The following TDRD15 variants were observed in gnomAD, a reference collection of about 807,000 sequenced individuals.
TDRD15 encodes the protein tudor domain containing 15.
For missense variants in TDRD15, 1,416 were observed against 904.7 expected (o/e 1.57, Z -7.25); for synonymous variants, 503 against 314.5 (o/e 1.60, Z -6.34).
In TDRD15 at chr2:21,140,848, A is replaced by T. The variant is rs764609181; in HGVS notation, c.3381A>T (p.Gly1127=). ...DGQLGIELYD[G]SQYINEKIKV... is the part of the protein sequence containing the mutation. ...AGCTTGGTATAGAATTGTATGATGG[A>T]TCTCAATATATAAATGAGAAAATTA... is the stretch of plus-strand genomic sequence containing the variant. The change falls in exon 4 of 4, where the codon GGA becomes GGT. Residue 1127 remains glycine, a synonymous_variant. Coordinates refer to ENST00000405799, the MANE Select transcript of TDRD15 (RefSeq NM_001306137.2). 2.2e-5 allele frequency: 16 copies of T among 712,964 alleles called. No individual in the cohort carries two copies. Among genetic ancestry groups the T allele is most frequent in the Non-Finnish European group, 3.7e-5 (14 of 383,076 alleles). The allele number at this position is 712,964 out of a possible 1,614,324, so 44.2% of individuals were successfully genotyped here.
rs1394184422 is a variant in TDRD15, at chr2:21,139,225, T to C, written c.1758T>C (p.Phe586=). 3 of 715,712 alleles carry C rather than the reference T, an allele frequency of 4.2e-6. No homozygotes were observed. The South Asian group carries it at 4.5e-5, about 11-fold the overall frequency. 44.3% of individuals were successfully genotyped at this position (715,712 alleles called of 1,614,324 possible). ...FFDVKILLPE[F]CELPALAMCC... ...ATGTAAAAATTTTGCTTCCAGAATT[T>C]TGTGAGTTGCCTGCCTTAGCGATGT... The change falls in exon 4 of 4, where the codon TTT becomes TTC. Residue 586 remains phenylalanine (F), a synonymous_variant. Transcript: ENST00000405799.
chr2:21,131,779 TAAATA>T (rs1665722902), intron 2 of TDRD15, among the ~76,000 whole-genome samples: 1 of 152,160 alleles, frequency 6.6e-6, no homozygotes, highest in Non-Finnish European at 1.5e-5. Context: ...TTAAATGAAT[TAAATA>T]TATTTTAAAT....
At position 21,140,910 on chromosome 2, in the gene TDRD15, A is replaced by G. The variant is rs1665910065; in HGVS notation, c.3443A>G (p.Asp1148Gly). The G allele has an allele frequency of 1.4e-6, 1 of 708,234 alleles. No individual in the cohort carries two copies. The highest frequency in any genetic ancestry group is 2.7e-5 in the East Asian group (1 of 37,240). 43.9% of individuals were successfully genotyped at this position (708,234 alleles called of 1,614,324 possible). The part of the protein sequence containing the change: ...LLHAYGKRHC[D>G]QACCMEKSNK... The stretch of plus-strand genomic sequence containing the variant: ...CATGCTTATGGAAAAAGACATTGTG[A>G]CCAAGCATGCTGCATGGAAAAGAGT... The change falls in exon 4 of 4, where the codon GAC (aspartate) becomes GGC (glycine). Residue 1148 changes from aspartate to glycine, a missense_variant. Coordinates refer to ENST00000405799, the MANE Select transcript of TDRD15 (RefSeq NM_001306137.2).
Position 21,141,821 on chromosome 2 carries a change from GAAGT to G in TDRD15, c.4357_4360del (p.Val1453IlefsTer2). The stretch of plus-strand genomic sequence containing the variant: ...TTTGAAAAAGCATGATCAGAAATGG[GAAGT>G]AAATATGATTTGTGATGAAAAATGT... On this transcript the variant is annotated frameshift_variant, in exon 4 of 4. Transcript: ENST00000405799. LOFTEE classifies it low-confidence loss of function (END_TRUNC). 3 of 714,322 alleles carry G rather than the reference GAAGT, an allele frequency of 4.2e-6. No homozygotes were observed. 44.2% of individuals were successfully genotyped at this position (714,322 alleles called of 1,614,324 possible).
chr2:21,134,200 A>T (rs1665767688), intron 2 of TDRD15, among the ~76,000 whole-genome samples: 1 of 151,870 alleles, frequency 6.6e-6, no homozygotes, highest in Admixed American at 6.6e-5. Context: ...GTATTTGTAG[A>T]TTATATTTTC....
At chr2:21,129,813 A>G (rs1665682428) in intron 2 of TDRD15, among the ~76,000 whole-genome samples, 1 of 152,196 alleles carries the variant, frequency 6.6e-6, no homozygotes, top group African/African-American at 2.4e-5. Context: ...CCTTATAGCA[A>G]TACCTGAAAC....
rs551554757 is a variant in TDRD15, at chr2:21,142,937, C to T, written c.5470C>T (p.Arg1824Cys). ...TGACTATGGATTTTCTTTTTATATACGTTATTCAGAAATTATAAATCTTAA... is the reference window on the plus strand; with the variant it reads ...TGACTATGGATTTTCTTTTTATATATGTTATTCAGAAATTATAAATCTTAA... ...LVDYGFSFYI[R>C]YSEIINLKVV... The change falls in exon 4 of 4, where the codon CGT (arginine) becomes TGT (cysteine). Residue 1824 changes from arginine (R) to cysteine (C), a missense_variant. Arg to Cys is a radical substitution (Grantham distance 180, BLOSUM62 -3). Coordinates refer to ENST00000405799, the MANE Select transcript of TDRD15 (RefSeq NM_001306137.2). 81 of 698,986 alleles carry T rather than the reference C, an allele frequency of 1.2e-4. No individual in the cohort carries two copies. The East Asian group carries it at 1.7e-3, about 15-fold the overall frequency. The allele number at this position is 698,986 out of a possible 1,614,324, so 43.3% of individuals were successfully genotyped here. A position where few individuals can be genotyped will look rare whatever the true frequency, so the allele number is the denominator to read the frequency against.
rs547155969 is a variant in TDRD15 at position 21,132,225 on chromosome 2, G to C, written c.-89-2537G>C. Among the ~76,000 whole-genome samples the C allele has an allele frequency of 1.3e-4, 20 of 152,204 alleles. No individual in the cohort carries two copies. The South Asian group carries it at 4.1e-3, about 32-fold the overall frequency. On this transcript the variant is annotated intron_variant, in intron 2 of 3. Transcript: ENST00000405799. Reference sequence around the variant, plus strand: ...AGAAAACACGGGAGGTTTTGGTGGTGGTGGTGGTGGTGATGGTTAGCTCTG... The same window carrying C: ...AGAAAACACGGGAGGTTTTGGTGGTCGTGGTGGTGGTGATGGTTAGCTCTG...
At chr2:21,135,970 G>A (rs1412235970) in intron 3 of TDRD15, among the ~76,000 whole-genome samples, 1 of 151,988 alleles carries the variant, frequency 6.6e-6, no homozygotes, top group Admixed American at 6.6e-5. Flanking sequence ...TCTGTTTAAT[G>A]AAGGAGATCT....
At chr2:21,125,874 A>G (rs1665581501) in intron 1 of TDRD15, among the ~76,000 whole-genome samples, 2 of 152,074 alleles carry the variant, frequency 1.3e-5, no homozygotes, top group South Asian at 4.2e-4. Context: ...CTCCTCCCAA[A>G]TTGTACAGGA....
chr2:21,129,983 A>G (rs926295094), intron 2 of TDRD15, among the ~76,000 whole-genome samples: 2 of 152,158 alleles, frequency 1.3e-5, no homozygotes, highest in Non-Finnish European at 2.9e-5. Context: ...TGAGCATGCT[A>G]GTTCAAGTCC....
intron 3 of TDRD15, among the ~76,000 whole-genome samples, chr2:21,135,518 T>C (rs1321215617): frequency 6.6e-6 from 1 of 152,106 alleles, no homozygotes; most frequent in Non-Finnish European, 1.5e-5. Context: ...CAGACGTTTT[T>C]GTAATAAGTC....
chr2:21,141,270 A>G lies in TDRD15; in HGVS notation c.3803A>G (p.Asn1268Ser). The change falls in exon 4 of 4, where the codon AAT becomes AGT. Residue 1268 changes from asparagine (N) to serine (S), a missense_variant. Physicochemically the swap from Asn to Ser is conservative, Grantham distance 46. Transcript: ENST00000405799. ...TCACAGTCTTTTATCAGAGCATTAA[A>G]TCAAACAACCTCACAAAACCCATAT... is the stretch of plus-strand genomic sequence containing the variant. The part of the protein sequence containing the change: ...VVSQSFIRAL[N>S]QTTSQNPYDL... 1 of 712,306 alleles carries G rather than the reference A, an allele frequency of 1.4e-6. No individual in the cohort carries two copies. Among genetic ancestry groups the G allele is most frequent in the East Asian group, 2.7e-5 (1 of 37,268 alleles). The allele number at this position is 712,306 out of a possible 1,614,324, so 44.1% of individuals were successfully genotyped here. A position where few individuals can be genotyped will look rare whatever the true frequency, so the allele number is the denominator to read the frequency against.
At chr2:21,144,627 A>G (rs1441244398), downstream of TDRD15, among the ~76,000 whole-genome samples, 2 of 151,868 alleles carry the variant, frequency 1.3e-5, no homozygotes, top group African/African-American at 4.8e-5. Context: ...CACTGTCCCA[A>G]GAGTCTTATA....
chr2:21,139,049 A>C lies in TDRD15; in HGVS notation c.1582A>C (p.Ile528Leu), dbSNP rs747800562. 2 of 714,916 alleles carry C rather than the reference A, an allele frequency of 2.8e-6. No individual in the cohort carries two copies. The highest frequency in any genetic ancestry group is 3.0e-5 in the South Asian group (2 of 67,174). The allele number at this position is 714,916 out of a possible 1,614,324, so 44.3% of individuals were successfully genotyped here. A position where few individuals can be genotyped will look rare whatever the true frequency, so the allele number is the denominator to read the frequency against. ...FYDLCENDEMILRKPEPGLFC... is the reference protein window; with the variant it reads ...FYDLCENDEMLLRKPEPGLFC... ...TGATTTGTGTGAAAACGATGAAATGATTCTAAGAAAACCTGAACCTGGATT... is the reference window on the plus strand; with the variant it reads ...TGATTTGTGTGAAAACGATGAAATGCTTCTAAGAAAACCTGAACCTGGATT... The change falls in exon 4 of 4, where the codon ATT becomes CTT. Residue 528 changes from isoleucine to leucine, a missense_variant. Transcript: ENST00000405799.
rs776764574 is a variant in TDRD15, at chr2:21,141,000, G to A, written c.3533G>A (p.Arg1178His). Residue 1178 changes from arginine (R) to histidine (H), a missense_variant, in exon 4 of 4, where the codon CGC (arginine) becomes CAC (histidine). By Grantham distance (29) the Arg-to-His change is conservative. Coordinates refer to ENST00000405799, the MANE Select transcript of TDRD15 (RefSeq NM_001306137.2). Reference sequence around the variant, plus strand: ...AAAGGCAAAACAGGAAACAACTATCGCCATAATGTGATAAATAAACCTAGT... The same window carrying A: ...AAAGGCAAAACAGGAAACAACTATCACCATAATGTGATAAATAAACCTAGT... Reference protein sequence around the residue: ...SLKGKTGNNYRHNVINKPSPV... With the variant: ...SLKGKTGNNYHHNVINKPSPV... 3.1e-5 allele frequency: 22 copies of A among 713,178 alleles called. No homozygotes were observed. The highest frequency in any genetic ancestry group is 1.8e-4 in the Admixed American group (9 of 49,464). 44.2% of individuals were successfully genotyped at this position (713,178 alleles called of 1,614,324 possible). A position where few individuals can be genotyped will look rare whatever the true frequency, so the allele number is the denominator to read the frequency against.
chr2:21,139,496 A>G lies in TDRD15; in HGVS notation c.2029A>G (p.Ser677Gly), dbSNP rs1451363632. The change falls in exon 4 of 4, where the codon AGT (serine) becomes GGT (glycine). Residue 677 changes from serine (S) to glycine (G), a missense_variant. By Grantham distance (56) the Ser-to-Gly change is moderately conservative. Coordinates refer to ENST00000405799, the MANE Select transcript of TDRD15 (RefSeq NM_001306137.2). ...VELEYFPKSVSEYSMLNSESK... is the reference protein window; with the variant it reads ...VELEYFPKSVGEYSMLNSESK... ...ACTAGAATATTTTCCAAAATCTGTAAGTGAATATTCAATGCTAAATTCAGA... is the reference window on the plus strand; with the variant it reads ...ACTAGAATATTTTCCAAAATCTGTAGGTGAATATTCAATGCTAAATTCAGA... 2 of 701,950 alleles carry G rather than the reference A, an allele frequency of 2.8e-6. No homozygotes were observed. Among genetic ancestry groups the G allele is most frequent in the African/African-American group, 1.8e-5 (1 of 56,168 alleles). 43.5% of individuals were successfully genotyped at this position (701,950 alleles called of 1,614,324 possible). A position where few individuals can be genotyped will look rare whatever the true frequency, so the allele number is the denominator to read the frequency against.
chr2:21,140,448 T>C lies in TDRD15; in HGVS notation c.2981T>C (p.Ile994Thr). 1 of 700,124 alleles carries C rather than the reference T, an allele frequency of 1.4e-6. No homozygotes were observed. Among genetic ancestry groups the C allele is most frequent in the Admixed American group, 2.2e-5 (1 of 45,918 alleles). 43.4% of individuals were successfully genotyped at this position (700,124 alleles called of 1,614,324 possible). The change falls in exon 4 of 4, where the codon ATA (isoleucine) becomes ACA (threonine). Residue 994 changes from isoleucine to threonine, a missense_variant. Physicochemically the swap from Ile to Thr is moderately conservative, Grantham distance 89 (BLOSUM62 -1). Coordinates refer to ENST00000405799, the MANE Select transcript of TDRD15 (RefSeq NM_001306137.2). ...AGAAATAATAAAGATCTAGAGATGATAGAAACAAAAATCACAGAGAGTGTT... is the reference window on the plus strand; with the variant it reads ...AGAAATAATAAAGATCTAGAGATGACAGAAACAAAAATCACAGAGAGTGTT... Reference protein sequence around the residue: ...LGRNNKDLEMIETKITESVNL... With the variant: ...LGRNNKDLEMTETKITESVNL...
rs113367522 is a variant in TDRD15, at chr2:21,129,816, C to G, written c.-90+2105C>G. On this transcript the variant is annotated intron_variant, in intron 2 of 3. Transcript: ENST00000405799. Reference sequence around the variant, plus strand: ...ATGTTTTCTGTTCCTTATAGCAATACCTGAAACTGGGTAATATATAAAGAA... The same window carrying G: ...ATGTTTTCTGTTCCTTATAGCAATAGCTGAAACTGGGTAATATATAAAGAA... Among the ~76,000 whole-genome samples the G allele has an allele frequency of 2.0e-3, 301 of 152,194 alleles. 1 individual carries two copies. The highest frequency in any genetic ancestry group is 6.9e-3 in the African/African-American group (286 of 41,500).
Sources: allele counts gnomAD v4.1 joint callset (sites outside exome capture counted in the v4.1 genomes callset), GRCh38; gene constraint gnomAD v4.1.1; transcripts MANE v1.5; gene names NCBI Gene and HGNC (gene_info 2026-07-23, HGNC 2026-07-21).